Variants in LPP observed in about 807,000 individuals in gnomAD.
LPP encodes lipoma-preferred partner.
Under a neutral mutation model 60.4 loss-of-function variants are expected in LPP, and 38 were observed. The ratio of observed to expected loss-of-function variants is 0.63; its 90% CI spans 0.49 to 0.83. The LOEUF is 0.83. LPP is among the 40% of genes least tolerant of loss of function. The pLI, the probability that LPP is intolerant of heterozygous loss-of-function variation, is 0.00. For missense variants in LPP, 902 were observed against 783.6 expected, an observed-to-expected ratio of 1.15 and a Z score of -1.80; for synonymous variants, 328 against 290.8, an observed-to-expected ratio of 1.13 and a Z score of -1.30.
intron 10 of LPP, 91 bp downstream of exon 10, chr3:188,866,469 A>G: frequency 9.5e-7 from 1 of 1,054,680 alleles, no homozygotes; most frequent in Non-Finnish European, 1.3e-6. Context: ...CTTCTCTCTC[A>G]GAACTACAGA....
At chr3:188,750,896 T>A (rs1727858319) in intron 8 of LPP, among the ~76,000 whole-genome samples, 1 of 152,198 alleles carries the variant, frequency 6.6e-6, no homozygotes, top group Non-Finnish European at 1.5e-5. Context: ...GTTTGTTGGA[T>A]CTGATCTAAC....
At chr3:188,571,239 A>G (rs1833469164) in intron 6 of LPP, among the ~76,000 whole-genome samples, 1 of 152,078 alleles carries the variant, frequency 6.6e-6, no homozygotes, top group African/African-American at 2.4e-5. Context: ...TCTCACATTC[A>G]TGTTCATGTA....
intron 4 of LPP, among the ~76,000 whole-genome samples, chr3:188,432,187 C>T (rs1298357568): frequency 4.6e-5 from 7 of 152,084 alleles, no homozygotes; most frequent in African/African-American, 1.7e-4. Flanking sequence ...GGCATCATGA[C>T]TTACAAAGAA....
chr3:188,247,017 T>G (rs1727203155), intron 2 of LPP: 1 of 171,490 alleles, frequency 5.8e-6, no homozygotes, highest in African/African-American at 2.4e-5. Context: ...AAAAGAATTC[T>G]ACTCAGTCAG....
intron 7 of LPP, among the ~76,000 whole-genome samples, chr3:188,650,757 A>G (rs1301463984): frequency 6.6e-6 from 1 of 152,350 alleles, no homozygotes; most frequent in Non-Finnish European, 1.5e-5. Context: ...CTTGTATTAT[A>G]TGTCCAGAAA....
chr3:188,204,128 G>A (rs1212854401), intron 1 of LPP, among the ~76,000 whole-genome samples: 1 of 152,136 alleles, frequency 6.6e-6, no homozygotes, highest in Non-Finnish European at 1.5e-5. Context: ...GCAGTAAAGA[G>A]GTTTTGCACT....
intron 2 of LPP, among the ~76,000 whole-genome samples, chr3:188,333,765 A>G (rs1184812289): frequency 6.6e-6 from 1 of 152,206 alleles, no homozygotes; most frequent in African/African-American, 2.4e-5. Flanking sequence ...ATAATTGTAC[A>G]TGTTTACGGG....
chr3:188,485,665 C>T (rs542684927), intron 5 of LPP, among the ~76,000 whole-genome samples: 2 of 150,272 alleles, frequency 1.3e-5, no homozygotes, highest in Non-Finnish European at 3.0e-5. Flanking sequence ...GGCGTAGTGG[C>T]GGGCGCCTGT....
rs75995218 is a variant in LPP, at chr3:188,408,463, G to A, written c.193+2150G>A. Among the ~76,000 whole-genome samples the A allele has an allele frequency of 9.2e-3, 1,396 of 152,154 alleles. 17 individuals carry two copies. The highest frequency in any genetic ancestry group is 0.031 in the African/African-American group (1,304 of 41,516). The stretch of plus-strand genomic sequence containing the variant: ...AGGAACACTGAAGTGATTTGTTTGC[G>A]TGCCCTGCAGCACAGTCCTTGGTCC... On this transcript the variant is annotated intron_variant, in intron 4 of 11. Coordinates refer to ENST00000617246, the MANE Select transcript of LPP (RefSeq NM_001375462.1).
rs528273675 is a variant in LPP at position 188,619,187 on chromosome 3, G to A, written c.1113+9343G>A. On this transcript the variant is annotated intron_variant, in intron 7 of 11. Transcript: ENST00000617246. ...TTACAGGCATCTGCCACCAGGCCCA[G>A]CTAATTTTTGTATTTTTGGTAGAGA... is the stretch of plus-strand genomic sequence containing the variant. 3.5e-3 allele frequency among the ~76,000 whole-genome samples: 540 copies of A among 152,244 alleles called. 2 individuals carry two copies. The highest frequency in any genetic ancestry group is 0.012 in the African/African-American group (513 of 41,544).
chr3:188,680,467 G>T (rs1251039862), intron 7 of LPP, among the ~76,000 whole-genome samples: 2 of 152,144 alleles, frequency 1.3e-5, no homozygotes, highest in Non-Finnish European at 2.9e-5. Context: ...AATAAGAAGG[G>T]TATTTGAAAT....
chr3:188,769,467 G>T (rs1324585633), intron 9 of LPP, among the ~76,000 whole-genome samples: 1 of 152,152 alleles, frequency 6.6e-6, no homozygotes, highest in East Asian at 1.9e-4. Context: ...TAAGTGGATT[G>T]CCCAGAACAA....
chr3:188,158,034 C>G (rs1717042355), intron 1 of LPP, among the ~76,000 whole-genome samples: 1 of 151,964 alleles, frequency 6.6e-6, no homozygotes, highest in Non-Finnish European at 1.5e-5. Context: ...TCGATAGGGG[C>G]CGTTAAGTGG....
At chr3:188,762,097 G>A (rs948203237) in intron 9 of LPP, among the ~76,000 whole-genome samples, 1 of 152,124 alleles carries the variant, frequency 6.6e-6, no homozygotes, top group Non-Finnish European at 1.5e-5. Flanking sequence ...TGTGGCAGCA[G>A]CCTTCTTCAG....
At chr3:188,420,336 T>A (rs982417673) in intron 4 of LPP, among the ~76,000 whole-genome samples, 1 of 152,186 alleles carries the variant, frequency 6.6e-6, no homozygotes, top group Non-Finnish European at 1.5e-5. Context: ...ATGTTTATAT[T>A]ATCTCTTTGA....
chr3:188,565,932 A>T (rs1393949880), intron 6 of LPP, among the ~76,000 whole-genome samples: 1 of 151,918 alleles, frequency 6.6e-6, no homozygotes, highest in Non-Finnish European at 1.5e-5. Flanking sequence ...TTTACCGTAA[A>T]GAGAGGTGTG....
intron 6 of LPP, among the ~76,000 whole-genome samples, chr3:188,585,770 A>C (rs1383273074): frequency 2.0e-5 from 3 of 152,248 alleles, no homozygotes; most frequent in Non-Finnish European, 2.9e-5. Context: ...TTATGTCTGA[A>C]GTTCCAAGAT....
At chr3:188,706,896 A>C (rs1371926161) in intron 7 of LPP, among the ~76,000 whole-genome samples, 1 of 152,210 alleles carries the variant, frequency 6.6e-6, no homozygotes, top group Non-Finnish European at 1.5e-5. Context: ...CTAAATTTAA[A>C]TAATAGCATT....
At chr3:188,534,300 A>T (rs948745615) in intron 6 of LPP, among the ~76,000 whole-genome samples, 3 of 152,214 alleles carry the variant, frequency 2.0e-5, no homozygotes, top group South Asian at 4.1e-4. Flanking sequence ...CAAGATGATT[A>T]TGTTACATTA....
Sources: allele counts gnomAD v4.1 joint callset (sites outside exome capture counted in the v4.1 genomes callset), GRCh38; gene constraint gnomAD v4.1.1; transcripts MANE v1.5; gene names NCBI Gene and HGNC (gene_info 2026-07-23, HGNC 2026-07-21).